RFC1: variants seen among roughly 807,000 people sequenced by gnomAD.
RFC1 encodes the protein replication factor C subunit 1, also known as A1 140 kDa subunit.
Under a neutral mutation model 137.4 loss-of-function variants are expected in RFC1, and 37 were observed. That is an observed-to-expected ratio of 0.27 (90% CI 0.21 to 0.35). RFC1 has a LOEUF of 0.35. Ranked by LOEUF, RFC1 falls within the 10% of genes least tolerant of loss-of-function variation. The pLI is 1.00. For synonymous variants in RFC1, 429 were observed against 455.7 expected (o/e 0.94, Z 0.75); for missense variants, 1,205 against 1,358.5 (o/e 0.89, Z 1.78).
At chr4:39,310,716 C>T (rs1038544036) in intron 12 of RFC1, among the ~76,000 whole-genome samples, 27 of 152,170 alleles carry the variant, frequency 1.8e-4, no homozygotes, top group African/African-American at 6.3e-4. Context: ...TTTGCAAAAG[C>T]TAATACAGGC....
intron 9 of RFC1, among the ~76,000 whole-genome samples, 171 bp from the exon 10 acceptor site, chr4:39,317,193 G>C (rs183223377): frequency 6.4e-4 from 97 of 152,172 alleles, no homozygotes; most frequent in African/African-American, 2.2e-3. Flanking sequence ...ACTGACTTAC[G>C]AACATCCCTG....
At chr4:39,339,944 A>T (rs1740534724) in intron 4 of RFC1, among the ~76,000 whole-genome samples, 1 of 152,224 alleles carries the variant, frequency 6.6e-6, no homozygotes, top group Admixed American at 6.5e-5. Flanking sequence ...TTAAAGGCAG[A>T]TGTAGGCTTA....
intron 4 of RFC1, among the ~76,000 whole-genome samples, chr4:39,338,388 T>C (rs1467092188): frequency 1.3e-5 from 2 of 152,198 alleles, no homozygotes; most frequent in African/African-American, 4.8e-5. Flanking sequence ...TTTTCCTAAA[T>C]CTGTTTTTCA....
chr4:39,311,536 C>T lies in RFC1; in HGVS notation c.1397G>A (p.Gly466Glu), dbSNP rs1461222088. 3 of 1,613,718 alleles carry T rather than the reference C, an allele frequency of 1.9e-6. No individual in the cohort carries two copies. The highest frequency in any genetic ancestry group is 2.5e-6 in the Non-Finnish European group (3 of 1,179,822). Residue 466 changes from glycine (G) to glutamate (E), a missense_variant, in exon 12 of 25, where the codon GGG (glycine) becomes GAG (glutamate). Physicochemically the swap from Gly to Glu is moderately conservative, Grantham distance 98. Coordinates refer to ENST00000349703, the MANE Select transcript of RFC1 (RefSeq NM_002913.5). ...GCCATCTTCATCAATAATTTTTGTC[C>T]CCAAGGCTGCGGCCTGTTGATTAAA... ...QSKSDKAAAL[G>E]TKIIDEDGLL...
intron 10 of RFC1, among the ~76,000 whole-genome samples, chr4:39,314,228 T>C (rs1309395835): frequency 1.3e-5 from 2 of 152,166 alleles, no homozygotes; most frequent in African/African-American, 2.4e-5. Flanking sequence ...TCAGGGTCCC[T>C]TGAAGCCTTT....
intron 1 of RFC1, among the ~76,000 whole-genome samples, chr4:39,355,096 A>AAACAC (rs1553927298): frequency 3.3e-5 from 2 of 60,160 alleles, no homozygotes; most frequent in African/African-American, 6.1e-5. Flanking sequence ...AAAAAAAAAA[A>AAACAC]ATACACACAC....
In RFC1 at chr4:39,302,505, T is replaced by G. The variant is rs1738412329; in HGVS notation, c.2431A>C (p.Arg811=). Residue 811 remains arginine, a synonymous_variant, in exon 18 of 25, where the codon AGA becomes CGA. Coordinates refer to ENST00000349703, the MANE Select transcript of RFC1 (RefSeq NM_002913.5). ...EIILGANQDI[R]QVLHNLSMWC... Reference sequence around the variant, plus strand: ...ATGATATATATTTAATTTACCTGTCTGATATCTTGATTGGCTCCCAAAATT... The same window carrying G: ...ATGATATATATTTAATTTACCTGTCGGATATCTTGATTGGCTCCCAAAATT... 2 of 1,590,854 alleles carry G rather than the reference T, an allele frequency of 1.3e-6. No individual in the cohort carries two copies. Among genetic ancestry groups the G allele is most frequent in the Non-Finnish European group, 1.7e-6 (2 of 1,160,316 alleles).
chr4:39,349,487 T>C (rs1741074881), intron 2 of RFC1, among the ~76,000 whole-genome samples: 1 of 152,200 alleles, frequency 6.6e-6, no homozygotes, highest in Non-Finnish European at 1.5e-5. Flanking sequence ...TCCACCCATA[T>C]GCACTAAGAA....
At chr4:39,319,466 TTA>T (rs1304757077) in intron 9 of RFC1, among the ~76,000 whole-genome samples, 5 of 152,196 alleles carry the variant, frequency 3.3e-5, no homozygotes, top group Non-Finnish European at 7.3e-5. Context: ...GTTGTGAAAA[TTA>T]TATGAGCTAC....
Position 39,366,315 on chromosome 4 carries a change from T to A in RFC1, c.-74A>T. 7.0e-7 allele frequency: 1 copy of A among 1,438,560 alleles called. No individual in the cohort carries two copies. The highest frequency in any genetic ancestry group is 9.2e-7 in the Non-Finnish European group (1 of 1,087,782). The allele number at this position is 1,438,560 out of a possible 1,614,324, so 89.1% of individuals were successfully genotyped here. The stretch of plus-strand genomic sequence containing the variant: ...AGGAATCTGTTATCGAGGCTCAGGA[T>A]CCATTCGCGCCAACAACTTCTCCCG... On this transcript the variant is annotated 5_prime_UTR_variant, in exon 1 of 25. Transcript: ENST00000349703.
At chr4:39,306,078 T>C (rs990480628) in intron 14 of RFC1, among the ~76,000 whole-genome samples, 5 of 152,206 alleles carry the variant, frequency 3.3e-5, no homozygotes, top group Non-Finnish European at 7.3e-5. Flanking sequence ...AGTTCTCCCA[T>C]TGTCTACAGG....
At chr4:39,335,268 A>T (rs1050253463) in intron 4 of RFC1, among the ~76,000 whole-genome samples, 1 of 152,230 alleles carries the variant, frequency 6.6e-6, no homozygotes, top group Admixed American at 6.5e-5. Context: ...AGACAGAAAA[A>T]GGTTCATGTA....
chr4:39,332,844 A>G (rs1028334301), intron 4 of RFC1, among the ~76,000 whole-genome samples: 8 of 152,220 alleles, frequency 5.3e-5, no homozygotes, highest in African/African-American at 1.9e-4. Context: ...AGGGCCGGAC[A>G]TGGTGGCCCA....
intron 10 of RFC1, among the ~76,000 whole-genome samples, chr4:39,315,252 T>A (rs1739181405): frequency 6.6e-6 from 1 of 152,246 alleles, no homozygotes; most frequent in Non-Finnish European, 1.5e-5. Context: ...CCTGGAATCT[T>A]AACAGCATGA....
chr4:39,364,212 C>A (rs995730711), intron 1 of RFC1, among the ~76,000 whole-genome samples: 18 of 148,722 alleles, frequency 1.2e-4, no homozygotes, highest in African/African-American at 4.0e-4. Flanking sequence ...GAAACTGTAA[C>A]TGAAACAAAG....
intron 1 of RFC1, among the ~76,000 whole-genome samples, chr4:39,358,237 T>C (rs1189616387): frequency 6.6e-6 from 1 of 152,004 alleles, no homozygotes; most frequent in African/African-American, 2.4e-5. Context: ...ATCGCACCAT[T>C]GCACTCCAGC....
At chr4:39,336,205 T>A (rs1395063603) in intron 4 of RFC1, among the ~76,000 whole-genome samples, 1 of 152,254 alleles carries the variant, frequency 6.6e-6, no homozygotes, top group Non-Finnish European at 1.5e-5. Flanking sequence ...CATAAATATG[T>A]GCATTTGCAG....
intron 22 of RFC1, among the ~76,000 whole-genome samples, chr4:39,294,520 A>T (rs1319020330): frequency 6.6e-6 from 1 of 152,034 alleles, no homozygotes; most frequent in East Asian, 1.9e-4. Context: ...AAAATACAAA[A>T]ATTAGCCAGG....
chr4:39,361,814 C>A (rs113138455), intron 1 of RFC1, among the ~76,000 whole-genome samples: 70 of 152,188 alleles, frequency 4.6e-4, no homozygotes, highest in African/African-American at 1.6e-3. Context: ...TTTGGGAGGC[C>A]GAGGCGGGCT....
Sources: gnomAD v4.1 joint callset for allele counts (sites outside exome capture counted in the v4.1 genomes callset) on GRCh38, gnomAD v4.1.1 for gene constraint, MANE v1.5 for transcripts, NCBI Gene and HGNC (gene_info 2026-07-23, HGNC 2026-07-21) for gene names.